DOCK10: variants seen among roughly 807,000 people sequenced by gnomAD.
The protein encoded by DOCK10 is dedicator of cytokinesis protein 10.
Under a neutral mutation model 280.1 loss-of-function variants are expected in DOCK10, and 145 were observed. The ratio of observed to expected loss-of-function variants is 0.52; its 90% CI spans 0.45 to 0.59. DOCK10 has a LOEUF of 0.59. Among genes scored for constraint, DOCK10 ranks in the 20% least tolerant of loss-of-function variants. The pLI, the probability that DOCK10 is intolerant of heterozygous loss-of-function variation, is 0.00. For missense variants in DOCK10, 2,368 were observed against 2,651.7 expected, an observed-to-expected ratio of 0.89 and a Z score of 2.35; for synonymous variants, 915 against 942.2, an observed-to-expected ratio of 0.97 and a Z score of 0.53.
rs1314323526 is a variant in DOCK10, at chr2:224,775,058, G to T, written c.5860C>A (p.Pro1954Thr). ...TCGATTTCCTTTTCCTCAAAGAACGGCGTCACATAGGTCACCTGGATGTAG... is the reference window on the plus strand; with the variant it reads ...TCGATTTCCTTTTCCTCAAAGAACGTCGTCACATAGGTCACCTGGATGTAG... ...YAYIQVTYVT[P>T]FFEEKEIEDR... Residue 1954 changes from proline (P) to threonine (T), a missense_variant, in exon 52 of 56, where the codon CCG becomes ACG. Pro to Thr is a conservative substitution (Grantham distance 38). Around this residue, in one of 2 missense-constraint regions of DOCK10, gnomAD observed 1,159 missense variants for 1,400.8 expected, o/e 0.83. Transcript: ENST00000258390. 1 of 1,613,904 alleles carries T rather than the reference G, an allele frequency of 6.2e-7. No homozygotes were observed. Among genetic ancestry groups the T allele is most frequent in the Non-Finnish European group, 8.5e-7 (1 of 1,179,900 alleles).
At position 224,845,339 on chromosome 2, in the gene DOCK10, A is replaced by T; in HGVS notation, c.2360-15T>A. 6.3e-7 allele frequency: 1 copy of T among 1,583,544 alleles called. No individual in the cohort carries two copies. The highest frequency in any genetic ancestry group is 8.6e-7 in the Non-Finnish European group (1 of 1,164,084). On this transcript the variant is annotated splice_polypyrimidine_tract_variant and intron_variant, in intron 20 of 55. Coordinates refer to ENST00000258390, the MANE Select transcript of DOCK10 (RefSeq NM_014689.3). ...AGCATATCCAACTGTGCAAAAGAAT[A>T]ACCAACAAAAATTCTGAGTACAAAC...
chr2:224,864,507 T>TAAA, intron 13 of DOCK10, 46 bp downstream of exon 13: 1 of 1,134,378 alleles, frequency 8.8e-7, no homozygotes, highest in South Asian at 1.7e-5. Flanking sequence ...GAGACTCTAT[T>TAAA]AAAAAAAAAA....
chr2:224,856,124 A>C (rs1697124603), intron 15 of DOCK10, among the ~76,000 whole-genome samples: 1 of 152,212 alleles, frequency 6.6e-6, no homozygotes, highest in African/African-American at 2.4e-5. Context: ...TTCCTTAAAG[A>C]GTTGCTTGTG....
At chr2:224,963,106 C>T (rs947355413) in intron 1 of DOCK10, among the ~76,000 whole-genome samples, 5 of 152,168 alleles carry the variant, frequency 3.3e-5, no homozygotes, top group African/African-American at 1.2e-4. Context: ...CTGGATGGGC[C>T]ATGCCTGCCC....
At chr2:224,875,972 C>CTAAA (rs1333383786) in intron 8 of DOCK10, 66 bp downstream of exon 8, 1 of 1,521,276 alleles carries the variant, frequency 6.6e-7, no homozygotes. Flanking sequence ...TGCCTAGCAG[C>CTAAA]TTTAGTGAAC....
intron 1 of DOCK10, among the ~76,000 whole-genome samples, chr2:225,001,438 C>T (rs533745098): frequency 1.3e-4 from 19 of 151,896 alleles, no homozygotes; most frequent in African/African-American, 2.9e-4. Context: ...TACAGGTGCC[C>T]GCCACCATGC....
intron 1 of DOCK10, among the ~76,000 whole-genome samples, chr2:224,967,082 C>CTTT (rs11381058): frequency 1.4e-5 from 2 of 142,964 alleles, no homozygotes; most frequent in Non-Finnish European, 1.5e-5. Flanking sequence ...ATCCTCTAGT[C>CTTT]TTTTTTTTTT....
intron 7 of DOCK10, among the ~76,000 whole-genome samples, chr2:224,884,834 T>G (rs1192250427): frequency 1.3e-5 from 2 of 152,232 alleles, no homozygotes; most frequent in Non-Finnish European, 2.9e-5. Flanking sequence ...GAAGTGCGTA[T>G]GTTAATACCA....
intron 53 of DOCK10, 107 bp downstream of exon 53, chr2:224,773,050 C>A: frequency 2.8e-6 from 3 of 1,087,080 alleles, no homozygotes; most frequent in Non-Finnish European, 3.8e-6. Flanking sequence ...TCTATTCTCA[C>A]AAAAGGGAAA....
In DOCK10 at chr2:224,839,910, T is replaced by C. The variant is rs202167857; in HGVS notation, c.2780+44A>G. 1.9e-4 allele frequency: 162 copies of C among 831,244 alleles called. No homozygotes were observed. The African/African-American group carries it at 2.5e-3, about 13-fold the overall frequency. The allele number at this position is 831,244 out of a possible 1,614,324, so 51.5% of individuals were successfully genotyped here. On this transcript the variant is annotated intron_variant, in intron 24 of 55. Transcript: ENST00000258390. Reference sequence around the variant, plus strand: ...AGTTATAATTAAGAGTTTATGTAACTACACATTATAAAGTCTCTCCTCTTA... The same window carrying C: ...AGTTATAATTAAGAGTTTATGTAACCACACATTATAAAGTCTCTCCTCTTA...
At chr2:224,946,947 C>T (rs1703455280) in intron 1 of DOCK10, 1 of 1,542,694 alleles carries the variant, frequency 6.5e-7, no homozygotes, top group Non-Finnish European at 8.7e-7. Context: ...CCCTCGAAAA[C>T]TCATCGTATT....
At chr2:224,984,502 C>A (rs1299660692) in intron 1 of DOCK10, among the ~76,000 whole-genome samples, 3 of 152,204 alleles carry the variant, frequency 2.0e-5, no homozygotes, top group Admixed American at 6.5e-5. Context: ...TGCTGACAGG[C>A]TCTGAATATT....
At chr2:224,780,667 C>T (rs143541267) in intron 50 of DOCK10, among the ~76,000 whole-genome samples, 39 of 152,064 alleles carry the variant, frequency 2.6e-4, no homozygotes, top group African/African-American at 8.7e-4. Flanking sequence ...TTTGGGAGTC[C>T]GAGGTGGGCG....
chr2:224,785,052 A>G (rs1691638762), intron 50 of DOCK10, among the ~76,000 whole-genome samples: 1 of 150,922 alleles, frequency 6.6e-6, no homozygotes, highest in South Asian at 2.2e-4. Flanking sequence ...TTCCCTTTCA[A>G]TTCTTCTGCT....
chr2:224,783,504 G>C (rs1691505774), intron 50 of DOCK10, among the ~76,000 whole-genome samples: 1 of 152,002 alleles, frequency 6.6e-6, no homozygotes, highest in Admixed American at 6.6e-5. Context: ...TTCATCTCCT[G>C]ACCTTGTGAT....
At chr2:224,798,708 G>A (rs370159624) in intron 41 of DOCK10, among the ~76,000 whole-genome samples, 2 of 150,376 alleles carry the variant, frequency 1.3e-5, no homozygotes, top group African/African-American at 4.9e-5. Context: ...CATAGCTCAC[G>A]GCAGCCTCCA....
intron 1 of DOCK10, among the ~76,000 whole-genome samples, chr2:224,940,452 T>G (rs574338706): frequency 1.3e-5 from 2 of 152,208 alleles, no homozygotes; most frequent in African/African-American, 4.8e-5. Flanking sequence ...TGAATGGTCT[T>G]AAAGGAGGAC....
In DOCK10 at chr2:224,852,936, T is replaced by C; in HGVS notation, c.2075A>G (p.Lys692Arg). The C allele has an allele frequency of 6.3e-7, 1 of 1,589,568 alleles. No homozygotes were observed. The highest frequency in any genetic ancestry group is 8.6e-7 in the Non-Finnish European group (1 of 1,164,654). The change falls in exon 17 of 56, where the codon AAG becomes AGG. Residue 692 changes from lysine to arginine, a missense_variant and splice_region_variant. Lys to Arg is a conservative substitution (Grantham distance 26). Coordinates refer to ENST00000258390, the MANE Select transcript of DOCK10 (RefSeq NM_014689.3). ...LKYDSQKCFN[K>R]ARNITVCIEF... ...ATATCTCTGGAACTTATATCATACC[T>C]TGTTGAAGCATTTCTGGCTATCATA...
chr2:224,932,447 A>C (rs1702442729), intron 1 of DOCK10, among the ~76,000 whole-genome samples: 1 of 152,168 alleles, frequency 6.6e-6, no homozygotes, highest in Non-Finnish European at 1.5e-5. Flanking sequence ...CAGAACTCAT[A>C]AGGTGAGAAA....
Sources: gnomAD v4.1 joint callset for allele counts (sites outside exome capture counted in the v4.1 genomes callset) on GRCh38, gnomAD v4.1.1 for gene constraint, gnomAD v4.1.1 regional missense constraint, MANE v1.5 for transcripts, NCBI Gene and HGNC (gene_info 2026-07-23, HGNC 2026-07-21) for gene names.